SDK2: variants seen among roughly 807,000 people sequenced by gnomAD.
The protein encoded by SDK2 is sidekick cell adhesion molecule 2.
Under a neutral mutation model 253.9 loss-of-function variants are expected in SDK2, and 105 were observed. That is an observed-to-expected ratio of 0.41 (90% CI 0.35 to 0.49). SDK2 has a LOEUF of 0.49. Ranked by LOEUF, SDK2 falls within the 20% of genes least tolerant of loss-of-function variation. SDK2 has a pLI of 0.06. For missense variants in SDK2, 2,608 were observed against 3,003.0 expected (o/e 0.87, Z 3.07); for synonymous variants, 1,249 against 1,234.9 (o/e 1.01, Z -0.24).
At chr17:73,501,242 GCA>G (rs34715004) in intron 2 of SDK2, among the ~76,000 whole-genome samples, 8 of 150,850 alleles carry the variant, frequency 5.3e-5, no homozygotes, top group South Asian at 2.1e-4. Context: ...GCATGTGCAT[GCA>G]CACACACACA....
At chr17:73,372,789 A>G (rs1411341559) in intron 36 of SDK2, among the ~76,000 whole-genome samples, 1 of 152,088 alleles carries the variant, frequency 6.6e-6, no homozygotes, top group African/African-American at 2.4e-5. Flanking sequence ...AACCCCAAAA[A>G]ACTGTATGTG....
intron 1 of SDK2, among the ~76,000 whole-genome samples, chr17:73,630,082 T>TC (rs1446688999): frequency 2.0e-5 from 3 of 152,126 alleles, no homozygotes; most frequent in African/African-American, 7.2e-5. Flanking sequence ...AGCAGCCGAC[T>TC]CGGAGTCCAT....
chr17:73,355,174 A>ATATTTTTTTTT lies in SDK2; in HGVS notation c.5594-2538_5594-2537insAAAAAAAAATA. ...CCTACACCTCCATATATATATATAT[A>ATATTTTTTTTT]TTTTTTTTTTTTTTTTTTTTTAGAC... On this transcript the variant is annotated intron_variant, in intron 40 of 44. Coordinates refer to ENST00000392650, the MANE Select transcript of SDK2 (RefSeq NM_001144952.2). Among the ~76,000 whole-genome samples the ATATTTTTTTTT allele has an allele frequency of 2.0e-3, 94 of 47,226 alleles. 1 individual carries two copies. Among genetic ancestry groups the ATATTTTTTTTT allele is most frequent in the Non-Finnish European group, 2.4e-3 (72 of 29,766 alleles). 31.0% of individuals were successfully genotyped at this position (47,226 alleles called of 152,430 possible). A position where few individuals can be genotyped will look rare whatever the true frequency, so the allele number is the denominator to read the frequency against.
chr17:73,605,308 CAG>C (rs200596581), intron 1 of SDK2, among the ~76,000 whole-genome samples: 1 of 151,952 alleles, frequency 6.6e-6, no homozygotes, highest in Non-Finnish European at 1.5e-5. Flanking sequence ...AAAGACTTGG[CAG>C]AGAGAGAGGA....
At chr17:73,584,764 G>T (rs759131995) in intron 1 of SDK2, among the ~76,000 whole-genome samples, 26 of 152,206 alleles carry the variant, frequency 1.7e-4, no homozygotes, top group Non-Finnish European at 2.6e-4. Context: ...TCTTAATGGG[G>T]TCTCCCAGCT....
In SDK2 at chr17:73,387,968, G is replaced by A. The variant is rs1179665134; in HGVS notation, c.4262C>T (p.Ser1421Phe). 9 of 1,573,546 alleles carry A rather than the reference G, an allele frequency of 5.7e-6. No individual in the cohort carries two copies. The highest frequency in any genetic ancestry group is 2.7e-5 in the African/African-American group (2 of 73,970). The change falls in exon 30 of 45, where the codon TCC (serine) becomes TTC (phenylalanine). Residue 1421 changes from serine to phenylalanine, a missense_variant. Physicochemically the swap from Ser to Phe is radical, Grantham distance 155. This residue lies in a region of SDK2 where 1,103 missense variants were observed against 1,143.9 expected (regional missense o/e 0.96). Transcript: ENST00000392650. ...EDVRARSVLLSWEPGSDGLSP... is the reference protein window; with the variant it reads ...EDVRARSVLLFWEPGSDGLSP... ...GAGCCCGTCGCTCCCTGGCTCCCAGGACAGCAGCACGCTGCGTGCTCTCAC... is the reference window on the plus strand; with the variant it reads ...GAGCCCGTCGCTCCCTGGCTCCCAGAACAGCAGCACGCTGCGTGCTCTCAC...
At chr17:73,409,842 T>C (rs2063111249) in intron 18 of SDK2, among the ~76,000 whole-genome samples, 1 of 15,958 alleles carries the variant, frequency 6.3e-5, no homozygotes, top group Non-Finnish European at 1.4e-4. Context: ...TGTGTCTGTC[T>C]GTCTGTCTCT....
chr17:73,624,291 C>T lies in SDK2; in HGVS notation c.64+19734G>A, dbSNP rs1056747558. Among the ~76,000 whole-genome samples the T allele has an allele frequency of 1.4e-4, 21 of 152,298 alleles. No homozygotes were observed. In the East Asian group the frequency reaches 1.7e-3, roughly 13 times the overall value. The stretch of plus-strand genomic sequence containing the variant: ...GGCAGGTTGCCTGAACTCAGGAGTT[C>T]GAGACCAGCCTGGGAAACATGGCAA... On this transcript the variant is annotated intron_variant, in intron 1 of 44. Transcript: ENST00000392650.
Position 73,585,759 on chromosome 17 carries a change from G to A in SDK2, c.64+58266C>T, listed in dbSNP as rs541491839. Among the ~76,000 whole-genome samples, 267 of 152,350 alleles carry A rather than the reference G, an allele frequency of 1.8e-3. 1 individual carries two copies. The highest frequency in any genetic ancestry group is 3.7e-3 in the Admixed American group (56 of 15,308). On this transcript the variant is annotated intron_variant, in intron 1 of 44. Coordinates refer to ENST00000392650, the MANE Select transcript of SDK2 (RefSeq NM_001144952.2). ...CTGTGTGAGCCAACAGAGGGTGGTAGTGACCAGAAGGGACTTAGGAGCCAG... is the reference window on the plus strand; with the variant it reads ...CTGTGTGAGCCAACAGAGGGTGGTAATGACCAGAAGGGACTTAGGAGCCAG...
intron 44 of SDK2, among the ~76,000 whole-genome samples, chr17:73,342,829 G>C (rs148011648): frequency 6.7e-6 from 1 of 150,256 alleles, no homozygotes; most frequent in Non-Finnish European, 1.5e-5. Flanking sequence ...GAGTTCCATA[G>C]TTCACAGGGT....
intron 1 of SDK2, among the ~76,000 whole-genome samples, chr17:73,632,542 G>T (rs1394547090): frequency 6.6e-6 from 1 of 152,158 alleles, no homozygotes; most frequent in Non-Finnish European, 1.5e-5. Context: ...GAGGTTTTGG[G>T]ACTTGGACTG....
At chr17:73,513,034 A>C (rs2063993268) in intron 1 of SDK2, among the ~76,000 whole-genome samples, 1 of 151,948 alleles carries the variant, frequency 6.6e-6, no homozygotes, top group African/African-American at 2.4e-5. Context: ...TTAAAAATAT[A>C]CTGTCTTGGC....
At chr17:73,426,166 T>C (rs1169528503) in intron 12 of SDK2, among the ~76,000 whole-genome samples, 3 of 139,372 alleles carry the variant, frequency 2.2e-5, no homozygotes, top group Non-Finnish European at 4.6e-5. Context: ...TGCCTCAGCC[T>C]CCCTGGTAGC....
chr17:73,634,707 C>T (rs2046309302), intron 1 of SDK2, among the ~76,000 whole-genome samples: 1 of 152,182 alleles, frequency 6.6e-6, no homozygotes, highest in Non-Finnish European at 1.5e-5. Flanking sequence ...GGCAGGGGCA[C>T]CTGTCAAACT....
Position 73,393,740 on chromosome 17 carries a change from T to C in SDK2, c.3718A>G (p.Lys1240Glu). The C allele has an allele frequency of 1.3e-6, 2 of 1,572,570 alleles. No homozygotes were observed. The highest frequency in any genetic ancestry group is 1.7e-6 in the Non-Finnish European group (2 of 1,150,484). ...GGCTGGGTGTCCGAGTCCTTCTCCT[T>C]ATACATCACCTGTCAGGGCCCAGCA... Reference protein sequence around the residue: ...GLVLGYKVMYKEKDSDTQPRF... With the variant: ...GLVLGYKVMYEEKDSDTQPRF... Residue 1240 changes from lysine (K) to glutamate (E), a missense_variant, in exon 27 of 45, where the codon AAG becomes GAG. This residue lies in a region of SDK2 where 1,505 missense variants were observed against 1,859.1 expected (regional missense o/e 0.81). Coordinates refer to ENST00000392650, the MANE Select transcript of SDK2 (RefSeq NM_001144952.2).
intron 1 of SDK2, among the ~76,000 whole-genome samples, chr17:73,546,484 G>T (rs935090625): frequency 6.6e-6 from 1 of 152,212 alleles, no homozygotes; most frequent in Non-Finnish European, 1.5e-5. Context: ...GAAGGGAAGG[G>T]CCCCCACCCC....
At chr17:73,396,523 C>G (rs2062972173) in intron 24 of SDK2, among the ~76,000 whole-genome samples, 1 of 152,206 alleles carries the variant, frequency 6.6e-6, no homozygotes, top group Non-Finnish European at 1.5e-5. Context: ...CACGCTTCCT[C>G]CCTCCTGCAG....
At chr17:73,608,568 G>A (rs753162300) in intron 1 of SDK2, among the ~76,000 whole-genome samples, 15 of 152,034 alleles carry the variant, frequency 9.9e-5, no homozygotes, top group African/African-American at 3.4e-4. Flanking sequence ...TCAGCCTCCC[G>A]AGTAGCTGGG....
Position 73,357,818 on chromosome 17 carries a change from G to A in SDK2, c.5593+261C>T, listed in dbSNP as rs186267861. The A allele has an allele frequency of 9.0e-5, 53 of 589,324 alleles. No homozygotes were observed. In the African/African-American group the frequency reaches 9.1e-4, roughly 10 times the overall value. 36.5% of individuals were successfully genotyped at this position (589,324 alleles called of 1,614,324 possible). On this transcript the variant is annotated intron_variant, in intron 40 of 44. Transcript: ENST00000392650. ...CGTGCTCAGGCTTCCGGCTTCCTGA[G>A]CAATCCTCAACCCAAGCTGGTCCTC...
Sources: allele counts gnomAD v4.1 joint callset (sites outside exome capture counted in the v4.1 genomes callset), GRCh38; gene constraint gnomAD v4.1.1; regional missense constraint gnomAD v4.1.1; transcripts MANE v1.5; gene names NCBI Gene and HGNC (gene_info 2026-07-23, HGNC 2026-07-21).